Variants in CYB5R2 observed in about 807,000 individuals in gnomAD.
CYB5R2 encodes cytochrome b5 reductase 2.
In CYB5R2, 35 loss-of-function variants were observed where a neutral mutation model predicts 29.8. The ratio of observed to expected loss-of-function variants is 1.17; its 90% CI spans 0.90 to 1.56. The LOEUF (loss-of-function observed/expected upper bound fraction) is 1.56. Ranked by LOEUF, CYB5R2 falls within the 40% of genes most tolerant of loss-of-function variation. CYB5R2 has a pLI of 0.00. For missense variants in CYB5R2, 419 were observed against 346.7 expected (o/e 1.21, Z -1.66); for synonymous variants, 169 against 130.6 (o/e 1.29, Z -2.01).
Position 7,669,487 on chromosome 11 carries a change from A to G in CYB5R2, c.258+138T>C, listed in dbSNP as rs1016738024. The stretch of plus-strand genomic sequence containing the variant: ...AATCCCTGAAGATGAAGCTGCCACA[A>G]GGTTAACTGTAGCTTCACTGCTGGA... On this transcript the variant is annotated intron_variant, in intron 4 of 8. Coordinates refer to ENST00000299498, the MANE Select transcript of CYB5R2 (RefSeq NM_016229.5). The G allele has an allele frequency of 5.0e-5, 62 of 1,229,678 alleles. No individual in the cohort carries two copies. The African/African-American group carries it at 8.3e-4, about 16-fold the overall frequency. 76.2% of individuals were successfully genotyped at this position (1,229,678 alleles called of 1,614,324 possible).
At chr11:7,665,993 T>G in intron 8 of CYB5R2, 1 of 1,303,268 alleles carries the variant, frequency 7.7e-7, no homozygotes, top group South Asian at 1.3e-5. Flanking sequence ...GCCTGTGGGG[T>G]GCTCTGTGCA....
At chr11:7,666,630 T>C (rs1789424042) in intron 7 of CYB5R2, 80 bp from the exon 8 acceptor site, 4 of 1,043,374 alleles carry the variant, frequency 3.8e-6, no homozygotes, top group African/African-American at 1.6e-5. Context: ...GTCAGCATAC[T>C]CCTGGCCAAA....
In CYB5R2 at chr11:7,667,779, G is replaced by T. The variant is rs764252129; in HGVS notation, c.507C>A (p.Ile169=). ...ITPMLQLIRH[I]TKDPSDRTRM... ...TGGTCCTGTCACTGGGGTCCTTGGT[G>T]ATGTGGCGAATGAGCTGCAACATGG... Residue 169 remains isoleucine, a synonymous_variant, in exon 7 of 9, where the codon ATC becomes ATA. Coordinates refer to ENST00000299498, the MANE Select transcript of CYB5R2 (RefSeq NM_016229.5). 7.4e-6 allele frequency: 12 copies of T among 1,614,106 alleles called. No individual in the cohort carries two copies. The highest frequency in any genetic ancestry group is 2.7e-5 in the African/African-American group (2 of 74,930).
chr11:7,672,996 G>A, intron 1 of CYB5R2, 105 bp from the exon 2 acceptor site: 1 of 1,116,316 alleles, frequency 9.0e-7, no homozygotes, highest in Non-Finnish European at 1.3e-6. Context: ...CAGGAGCTGA[G>A]CTCTGCCTGC....
chr11:7,665,770 T>A, intron 8 of CYB5R2: 1 of 1,424,796 alleles, frequency 7.0e-7, no homozygotes, highest in Non-Finnish European at 9.4e-7. Flanking sequence ...CCTGAAGCCC[T>A]GCTGCTGTCT....
At chr11:7,666,412 G>C (rs1454460303) in intron 8 of CYB5R2, 39 bp downstream of exon 8, 1 of 1,351,202 alleles carries the variant, frequency 7.4e-7, no homozygotes, top group African/African-American at 1.4e-5. Flanking sequence ...TCAAGGGTTG[G>C]TGCTGACCCA....
chr11:7,670,055 T>TGAGTA, intron 3 of CYB5R2: 1 of 280,264 alleles, frequency 3.6e-6, no homozygotes, highest in South Asian at 3.9e-5. Flanking sequence ...AGTTGGAGAG[T>TGAGTA]GAGTATTAAA....
At chr11:7,673,579 G>C, upstream of CYB5R2, 1 of 983,964 alleles carries the variant, frequency 1.0e-6, no homozygotes. Context: ...CACGCCTCCC[G>C]CTCCGGCCCC....
rs778821591 is a variant in CYB5R2 at position 7,669,082 on chromosome 11, GTGAA to G, written c.388+119_388+122del. On this transcript the variant is annotated intron_variant, in intron 5 of 8. Transcript: ENST00000299498. ...CAAGTGTGATCATTATGCATTGTGT[GTGAA>G]TGAATGAAGACTAAGGACAACCCCA... 1.6e-5 allele frequency: 19 copies of G among 1,171,190 alleles called. No individual in the cohort carries two copies. In the East Asian group the frequency reaches 2.3e-4, roughly 14 times the overall value. 72.5% of individuals were successfully genotyped at this position (1,171,190 alleles called of 1,614,324 possible). A position where few individuals can be genotyped will look rare whatever the true frequency, so the allele number is the denominator to read the frequency against.
chr11:7,673,692 T>C (rs1162047174), upstream of CYB5R2: 5 of 985,148 alleles, frequency 5.1e-6, no homozygotes, highest in South Asian at 9.4e-5. Context: ...CAATACTCCA[T>C]AAATACACCC....
rs1283332405 is a variant in CYB5R2 at position 7,672,781 on chromosome 11, T to C, written c.45A>G (p.Glu15=). Residue 15 remains glutamate, a synonymous_variant, in exon 2 of 9, where the codon GAA becomes GAG. Coordinates refer to ENST00000299498, the MANE Select transcript of CYB5R2 (RefSeq NM_016229.5). ...CAATCAAGGGCAGCGGGTACTTGGC[T>C]TCAGGGTCCTGTAAGGTGATTGGCT... ...RREPITLQDP[E]AKYPLPLIEK... 33 of 1,614,064 alleles carry C rather than the reference T, an allele frequency of 2.0e-5. No individual in the cohort carries two copies. The highest frequency in any genetic ancestry group is 2.8e-5 in the Non-Finnish European group (33 of 1,180,036).
intron 4 of CYB5R2, 97 bp from the exon 5 acceptor site, chr11:7,669,431 A>AAAG: frequency 6.9e-7 from 1 of 1,452,222 alleles, no homozygotes; most frequent in Non-Finnish European, 9.4e-7. Flanking sequence ...CTTTGCAGAG[A>AAAG]AAGTGTTCTC....
At chr11:7,672,392 G>A (rs1267539204) in intron 3 of CYB5R2, 59 bp downstream of exon 3, 31 of 1,462,868 alleles carry the variant, frequency 2.1e-5, no homozygotes, top group Non-Finnish European at 2.9e-6. Context: ...TTTCTGTTAA[G>A]AGAGGAGGGC....
In CYB5R2 at chr11:7,665,343, G is replaced by A. The variant is rs770400509; in HGVS notation, c.*31C>T. The A allele has an allele frequency of 1.4e-6, 2 of 1,468,024 alleles. No homozygotes were observed. The highest frequency in any genetic ancestry group is 1.8e-6 in the Non-Finnish European group (2 of 1,099,688). 90.9% of individuals were successfully genotyped at this position (1,468,024 alleles called of 1,614,324 possible). On this transcript the variant is annotated 3_prime_UTR_variant, in exon 9 of 9. Coordinates refer to ENST00000299498, the MANE Select transcript of CYB5R2 (RefSeq NM_016229.5). ...ACTTACTCTGAAACAGATGAAAAGG[G>A]ACATGCAAAATTGCTGAGCACGTGG... is the stretch of plus-strand genomic sequence containing the variant.
intron 1 of CYB5R2, chr11:7,673,137 C>G (rs1855863913): frequency 2.3e-6 from 1 of 434,492 alleles, no homozygotes; most frequent in South Asian, 2.1e-5. Flanking sequence ...GCAGGCAGCA[C>G]ACATGGCCTG....
rs757545414 is a variant in CYB5R2, at chr11:7,672,886, C to T, written c.-61G>A. ...TGACGGTGATGGTCAGGAGCAGGGA[C>T]GGGTCCTGGCAGACACAATGTGAAC... On this transcript the variant is annotated 5_prime_UTR_variant, in exon 2 of 9. Coordinates refer to ENST00000299498, the MANE Select transcript of CYB5R2 (RefSeq NM_016229.5). 17 of 1,612,308 alleles carry T rather than the reference C, an allele frequency of 1.1e-5. No homozygotes were observed. Among genetic ancestry groups the T allele is most frequent in the South Asian group, 2.2e-5 (2 of 90,678 alleles).
At chr11:7,673,598 C>G (rs1479142076), upstream of CYB5R2, 10 of 985,344 alleles carry the variant, frequency 1.0e-5, no homozygotes, top group African/African-American at 3.5e-5. Context: ...CCCAACCTCC[C>G]GGTCGGACGT....
chr11:7,668,529 C>A lies in CYB5R2; in HGVS notation c.421G>T (p.Glu141Ter). The A allele has an allele frequency of 6.2e-7, 1 of 1,614,050 alleles. No homozygotes were observed. The highest frequency in any genetic ancestry group is 8.5e-7 in the Non-Finnish European group (1 of 1,179,976). ...TGATCGGCCAGTGTTTTTTTAGGCT[C>A]ACTCGTCTGGTCTGGTCTGATTCCA... ...NLGIRPDQTS[E>*]PKKTLADHLG... Residue 141 changes from glutamate to a stop codon, truncating the protein, a stop_gained, in exon 6 of 9, where the codon GAG (glutamate) becomes TAG (stop). Transcript: ENST00000299498. LOFTEE classifies it high-confidence loss of function.
intron 5 of CYB5R2, 190 bp downstream of exon 5, chr11:7,669,015 C>T: frequency 1.3e-6 from 1 of 751,288 alleles, no homozygotes; most frequent in Non-Finnish European, 2.3e-6. Context: ...CCCTACCTTA[C>T]AAAAGCTGAC....
Sources: allele counts gnomAD v4.1 joint callset, GRCh38; gene constraint gnomAD v4.1.1; transcripts MANE v1.5; gene names NCBI Gene and HGNC (gene_info 2026-07-23, HGNC 2026-07-21).